CTBP2: variants seen among roughly 807,000 people sequenced by gnomAD.
The protein encoded by CTBP2 is C-terminal-binding protein 2.
A neutral mutation model predicts 80.3 loss-of-function variants in CTBP2; 30 were observed. The observed-to-expected ratio is 0.37, with a 90% CI of 0.28 to 0.51. The LOEUF (loss-of-function observed/expected upper bound fraction) is 0.51. Ranked by LOEUF, CTBP2 falls within the 20% of genes least tolerant of loss-of-function variation. The pLI, the probability that CTBP2 is intolerant of heterozygous loss-of-function variation, is 0.93. For synonymous variants in CTBP2, 594 were observed against 587.4 expected (o/e 1.01, Z -0.16); for missense variants, 1,212 against 1,375.3 (o/e 0.88, Z 1.88).
chr10:125,040,457 A>T (rs1379951345), intron 2 of CTBP2, among the ~76,000 whole-genome samples: 1 of 74,358 alleles, frequency 1.3e-5, no homozygotes, highest in East Asian at 4.3e-4. Context: ...CTGTCTTTAA[A>T]AAAAAAAAAA....
intron 2 of CTBP2, among the ~76,000 whole-genome samples, chr10:125,050,036 G>A (rs1008999177): frequency 6.8e-6 from 1 of 147,088 alleles, no homozygotes; most frequent in African/African-American, 2.6e-5. Context: ...ACCTGGGGTG[G>A]CCCATCCTTC....
chr10:125,036,792 A>C (rs185277984), intron 3 of CTBP2, among the ~76,000 whole-genome samples: 8 of 152,150 alleles, frequency 5.3e-5, no homozygotes, highest in South Asian at 2.1e-4. Context: ...AGAGAAGGCC[A>C]AACAGAAAAA....
intron 2 of CTBP2, among the ~76,000 whole-genome samples, chr10:125,049,220 G>A (rs1267505825): frequency 6.6e-6 from 1 of 152,216 alleles, no homozygotes; most frequent in East Asian, 1.9e-4. Flanking sequence ...AGGGGCTGGT[G>A]TAGCCCACTA....
intron 1 of CTBP2, among the ~76,000 whole-genome samples, chr10:125,012,130 C>T (rs549972135): frequency 3.2e-4 from 49 of 152,370 alleles, no homozygotes; most frequent in African/African-American, 1.1e-3. Context: ...CAGCCAAGGA[C>T]GTGAGGCTCT....
chr10:125,026,886 C>T lies in CTBP2; in HGVS notation c.874G>A (p.Glu292Lys), dbSNP rs900835286. The change falls in exon 1 of 9, where the codon GAG (glutamate) becomes AAG (lysine). Residue 292 changes from glutamate to lysine, a missense_variant. By Grantham distance (56) the Glu-to-Lys change is moderately conservative. This residue lies in a region of CTBP2 where 848 missense variants were observed against 782.3 expected (regional missense o/e 1.08). Coordinates refer to ENST00000309035, the MANE Select transcript of CTBP2 (RefSeq NM_022802.3). The stretch of plus-strand genomic sequence containing the variant: ...TCCGCCCGCAGAAAGGCCAGGAACT[C>T]AGGGAGCACGGTCCTCTTGCCACCA... 1 of 1,613,976 alleles carries T rather than the reference C, an allele frequency of 6.2e-7. No individual in the cohort carries two copies. The highest frequency in any genetic ancestry group is 1.6e-4 in the Middle Eastern group (1 of 6,062).
chr10:125,071,649 CT>C (rs1845501324), intron 2 of CTBP2, among the ~76,000 whole-genome samples: 1 of 152,088 alleles, frequency 6.6e-6, no homozygotes, highest in South Asian at 2.1e-4. Flanking sequence ...TTTTGAAGAG[CT>C]TTTTTAGAAA....
intron 2 of CTBP2, among the ~76,000 whole-genome samples, chr10:125,064,661 A>G (rs537291086): frequency 1.3e-5 from 2 of 152,352 alleles, no homozygotes; most frequent in East Asian, 1.9e-4. Flanking sequence ...AATAAAAATC[A>G]GAGAAGTTTA....
intron 1 of CTBP2, among the ~76,000 whole-genome samples, chr10:125,130,356 A>T (rs1855963815): frequency 6.6e-6 from 1 of 152,168 alleles, no homozygotes; most frequent in Non-Finnish European, 1.5e-5. Flanking sequence ...GCCAGCCCAC[A>T]GGACTTCTAG....
intron 1 of CTBP2, among the ~76,000 whole-genome samples, chr10:125,146,834 C>T (rs1858875821): frequency 6.6e-6 from 1 of 152,156 alleles, no homozygotes; most frequent in African/African-American, 2.4e-5. Context: ...ATGCTGTACG[C>T]ACATGCGTAC....
chr10:125,034,092 C>T (rs550583932), intron 3 of CTBP2, among the ~76,000 whole-genome samples: 5 of 152,142 alleles, frequency 3.3e-5, no homozygotes, highest in Admixed American at 6.5e-5. Context: ...TGAAGACATC[C>T]GCCCATCACC....
chr10:125,045,552 T>C (rs910466468), intron 2 of CTBP2, among the ~76,000 whole-genome samples: 7 of 152,056 alleles, frequency 4.6e-5, no homozygotes, highest in African/African-American at 1.4e-4. Context: ...TCTCACTTTG[T>C]TGCCCAGGGA....
Position 124,989,188 on chromosome 10 carries a change from G to C in CTBP2, c.*330C>G, listed in dbSNP as rs896360174. 4 of 304,302 alleles carry C rather than the reference G, an allele frequency of 1.3e-5. No individual in the cohort carries two copies. Among genetic ancestry groups the C allele is most frequent in the Non-Finnish European group, 1.9e-5 (3 of 159,242 alleles). The allele number at this position is 304,302 out of a possible 1,614,324, so 18.9% of individuals were successfully genotyped here. The stretch of plus-strand genomic sequence containing the variant: ...TGAACTCTTGATGCAACATTGTAGA[G>C]CAGGGTGTTCAGGACCTGCTGTGCC... On this transcript the variant is annotated 3_prime_UTR_variant, in exon 9 of 9. Transcript: ENST00000309035.
At chr10:125,132,765 T>C (rs1856392986) in intron 1 of CTBP2, among the ~76,000 whole-genome samples, 2 of 152,204 alleles carry the variant, frequency 1.3e-5, no homozygotes, top group Non-Finnish European at 2.9e-5. Context: ...ACCAACAAAT[T>C]CCACGACATT....
chr10:125,059,123 AAAC>A (rs1193435650), intron 2 of CTBP2, among the ~76,000 whole-genome samples: 2 of 152,102 alleles, frequency 1.3e-5, no homozygotes, highest in Non-Finnish European at 2.9e-5. Flanking sequence ...TGCTGGTGCT[AAAC>A]AAAGTGTGGG....
chr10:125,108,377 G>T (rs548931112), intron 2 of CTBP2, among the ~76,000 whole-genome samples: 4 of 152,192 alleles, frequency 2.6e-5, no homozygotes, highest in Non-Finnish European at 5.9e-5. Context: ...AGGGCCTCAC[G>T]GATTCACCAT....
chr10:125,157,933 G>T (rs997775360), intron 1 of CTBP2, among the ~76,000 whole-genome samples: 1 of 152,174 alleles, frequency 6.6e-6, no homozygotes, highest in African/African-American at 2.4e-5. Flanking sequence ...GCAGTTCAGA[G>T]ATCTGATGCC....
At chr10:125,006,490 C>G (rs1955259013) in intron 1 of CTBP2, among the ~76,000 whole-genome samples, 1 of 152,208 alleles carries the variant, frequency 6.6e-6, no homozygotes, top group Non-Finnish European at 1.5e-5. Context: ...TGTCCACCCA[C>G]ACACCAGAGA....
chr10:125,070,752 G>A (rs7072664), intron 2 of CTBP2, among the ~76,000 whole-genome samples: 63,814 of 151,550 alleles, frequency 0.42, 13,642 homozygotes, highest in South Asian at 0.56. Context: ...TGCAGCCTCC[G>A]CTTCTGGAGT....
At chr10:125,162,450 G>C (rs1487092448), upstream of CTBP2, 1 of 152,302 alleles carries the variant, frequency 6.6e-6, no homozygotes, top group Non-Finnish European at 1.5e-5. Context: ...GCCCCAGCCC[G>C]CCGCGGGGCT....
Sources: gnomAD v4.1 joint callset for allele counts (sites outside exome capture counted in the v4.1 genomes callset) on GRCh38, gnomAD v4.1.1 for gene constraint, gnomAD v4.1.1 regional missense constraint, MANE v1.5 for transcripts, NCBI Gene and HGNC (gene_info 2026-07-23, HGNC 2026-07-21) for gene names.